The following LRRC7 variants were observed in gnomAD, a reference collection of about 807,000 sequenced individuals.
The protein encoded by LRRC7 is leucine-rich repeat-containing protein 7.
In LRRC7, 23 loss-of-function variants were observed where a neutral mutation model predicts 175.7. That is an observed-to-expected ratio of 0.13 (90% CI 0.09 to 0.19). LRRC7 has a LOEUF of 0.19. Ranked by LOEUF, LRRC7 falls within the 10% of genes least tolerant of loss-of-function variation. The probability of loss-of-function intolerance (pLI) is 1.00; values close to 1 mark genes in which losing one functional copy is unlikely to be tolerated. For synonymous variants in LRRC7, 685 were observed against 680.9 expected (o/e 1.01, Z -0.09); for missense variants, 1,354 against 1,904.7 (o/e 0.71, Z 5.38).
intron 1 of LRRC7, among the ~76,000 whole-genome samples, chr1:69,577,904 C>G (rs1646023400): frequency 6.6e-6 from 1 of 151,978 alleles, no homozygotes; most frequent in Non-Finnish European, 1.5e-5. Flanking sequence ...TAGTTTTTTC[C>G]AATTCTTTGA....
chr1:70,107,933 C>A, intron 26 of LRRC7, 107 bp downstream of exon 26: 1 of 1,003,654 alleles, frequency 1.0e-6, no homozygotes, highest in Non-Finnish European at 1.5e-6. Context: ...AAGTCCTTCT[C>A]ACATTGCTTA....
rs912315747 is a variant in LRRC7, at chr1:69,596,343, C to A, written c.2+27702C>A. ...AAACCCTGGAAATTTGGCTCCAGAG[C>A]CTTTATTGTTAATGACTGTGCAACA... On this transcript the variant is annotated intron_variant, in intron 1 of 26. Transcript: ENST00000651989. Among the ~76,000 whole-genome samples the A allele has an allele frequency of 2.6e-5, 4 of 152,182 alleles. No homozygotes were observed. In the South Asian group the frequency reaches 8.3e-4, roughly 32 times the overall value.
intron 7 of LRRC7, among the ~76,000 whole-genome samples, chr1:69,887,058 CT>C (rs1348672247): frequency 2.7e-5 from 4 of 149,566 alleles, no homozygotes; most frequent in Non-Finnish European, 5.9e-5. Context: ...ACATTTTTTC[CT>C]ACATTTCAAC....
chr1:69,949,340 G>A (rs1649672675), intron 8 of LRRC7, among the ~76,000 whole-genome samples: 1 of 152,108 alleles, frequency 6.6e-6, no homozygotes, highest in Admixed American at 6.6e-5. Flanking sequence ...AGGAGGCCTA[G>A]GCAGGCAGAT....
intron 25 of LRRC7, among the ~76,000 whole-genome samples, chr1:70,104,374 A>G (rs990921453): frequency 1.3e-5 from 2 of 152,200 alleles, no homozygotes; most frequent in Non-Finnish European, 2.9e-5. Flanking sequence ...TCATATAGCA[A>G]TGTTTATATG....
chr1:69,866,655 G>A (rs1684975326), intron 7 of LRRC7, among the ~76,000 whole-genome samples: 1 of 152,038 alleles, frequency 6.6e-6, no homozygotes, highest in South Asian at 2.1e-4. Flanking sequence ...AAAAATCATA[G>A]CAATAAGCAT....
intron 8 of LRRC7, among the ~76,000 whole-genome samples, chr1:69,941,430 A>AAAGTT (rs1369820362): frequency 6.6e-6 from 1 of 152,044 alleles, no homozygotes; most frequent in Non-Finnish European, 1.5e-5. Flanking sequence ...AGTCAGGGAA[A>AAAGTT]ACAGTTAGAA....
intron 7 of LRRC7, among the ~76,000 whole-genome samples, chr1:69,900,462 G>A (rs1177517673): frequency 6.6e-6 from 1 of 152,002 alleles, no homozygotes; most frequent in Non-Finnish European, 1.5e-5. Context: ...ATTATTTATT[G>A]ATCAGCTTCA....
chr1:69,972,541 G>A (rs547714113), intron 8 of LRRC7, among the ~76,000 whole-genome samples: 1 of 152,158 alleles, frequency 6.6e-6, no homozygotes, highest in East Asian at 1.9e-4. Flanking sequence ...TAGTGATCAG[G>A]GAAATGCAAA....
intron 25 of LRRC7, among the ~76,000 whole-genome samples, chr1:70,098,146 T>C (rs1664546901): frequency 6.6e-6 from 1 of 152,182 alleles, no homozygotes; most frequent in South Asian, 2.1e-4. Context: ...TTTTGAATGA[T>C]TGCCATTCTA....
chr1:69,704,008 G>A (rs1339129122), intron 2 of LRRC7, among the ~76,000 whole-genome samples: 1 of 151,852 alleles, frequency 6.6e-6, no homozygotes, highest in East Asian at 1.9e-4. Flanking sequence ...TAAGATTTTT[G>A]TAACAAAATT....
At chr1:69,910,686 T>A (rs897327077) in intron 7 of LRRC7, among the ~76,000 whole-genome samples, 1 of 152,194 alleles carries the variant, frequency 6.6e-6, no homozygotes, top group Non-Finnish European at 1.5e-5. Context: ...CGCTCTCAGA[T>A]CTCCAGCTGC....
chr1:69,888,479 G>T (rs61782598), intron 7 of LRRC7, among the ~76,000 whole-genome samples: 5 of 151,888 alleles, frequency 3.3e-5, no homozygotes, highest in Admixed American at 6.6e-5. Flanking sequence ...TTTGGCTCGC[G>T]CACGGTGCGC....
At chr1:69,853,569 A>G (rs1043526559) in intron 7 of LRRC7, among the ~76,000 whole-genome samples, 2 of 151,274 alleles carry the variant, frequency 1.3e-5, no homozygotes, top group South Asian at 2.1e-4. Context: ...GAGCCACCGC[A>G]CCCTGCCCAT....
chr1:69,623,509 T>G (rs1650970870), intron 1 of LRRC7, among the ~76,000 whole-genome samples: 2 of 151,686 alleles, frequency 1.3e-5, no homozygotes. Flanking sequence ...GAACAAATAG[T>G]TGATTTTGCT....
rs376008895 is a variant in LRRC7, at chr1:70,111,512, G to A, written c.4620+3686G>A. On this transcript the variant is annotated intron_variant, in intron 26 of 26. Transcript: ENST00000651989. ...GGAATATAAAAATATGCTAGAATAA[G>A]CCATGTGAATTTGCCAATATTTGAA... Among the ~76,000 whole-genome samples the A allele has an allele frequency of 1.6e-4, 25 of 152,216 alleles. 1 individual carries two copies. The highest frequency in any genetic ancestry group is 1.5e-3 in the East Asian group (8 of 5,180).
Position 70,136,129 on chromosome 1 carries a change from T to C in LRRC7, c.*14242T>C, listed in dbSNP as rs1366855136. Reference sequence around the variant, plus strand: ...TATCTTATCAGGCAATTTTTTTTTTTTTTGCATTTCCACGTTTCCCAAAAA... The same window carrying C: ...TATCTTATCAGGCAATTTTTTTTTTCTTTGCATTTCCACGTTTCCCAAAAA... On this transcript the variant is annotated 3_prime_UTR_variant, in exon 27 of 27. Transcript: ENST00000651989. 1.3e-5 allele frequency among the ~76,000 whole-genome samples: 2 copies of C among 151,788 alleles called. No individual in the cohort carries two copies. The highest frequency in any genetic ancestry group is 2.9e-5 in the Non-Finnish European group (2 of 67,946).
rs1018348386 is a variant in LRRC7 at position 70,135,444 on chromosome 1, C to T, written c.*13557C>T. On this transcript the variant is annotated 3_prime_UTR_variant, in exon 27 of 27. Transcript: ENST00000651989. ...TTTTAGGTACAACAAATGGAAATAT[C>T]ATCTAGGCTGGGTTGGGGTGCAGGA... Among the ~76,000 whole-genome samples, 2 of 152,122 alleles carry T rather than the reference C, an allele frequency of 1.3e-5. No homozygotes were observed. The highest frequency in any genetic ancestry group is 4.8e-5 in the African/African-American group (2 of 41,434).
At chr1:70,107,544 GCTT>G (rs1665226896) in intron 25 of LRRC7, among the ~76,000 whole-genome samples, 1 of 152,102 alleles carries the variant, frequency 6.6e-6, no homozygotes, top group Non-Finnish European at 1.5e-5. Context: ...AACAAGATAA[GCTT>G]CTTTTTGCAA....
Sources: allele counts gnomAD v4.1 joint callset (sites outside exome capture counted in the v4.1 genomes callset), GRCh38; gene constraint gnomAD v4.1.1; transcripts MANE v1.5; gene names NCBI Gene and HGNC (gene_info 2026-07-23, HGNC 2026-07-21).